The following AGO1 variants were observed in gnomAD, a reference collection of about 807,000 sequenced individuals.
The protein encoded by AGO1 is argonaute RISC component 1, also known as protein argonaute-1.
AGO1 carries 11 observed loss-of-function variants against 109.2 expected under a neutral mutation model. That is an observed-to-expected ratio of 0.10 (90% CI 0.06 to 0.17). AGO1 has a LOEUF of 0.17. Among genes scored for constraint, AGO1 ranks in the 10% least tolerant of loss-of-function variants. AGO1 has a pLI of 1.00. For missense variants in AGO1, 574 were observed against 1,140.3 expected (o/e 0.50, Z 7.15); for synonymous variants, 422 against 418.6 (o/e 1.01, Z -0.10).
At position 35,906,744 on chromosome 1, in the gene AGO1, G is replaced by A. The variant is rs74988064; in HGVS notation, c.1398-191G>A. On this transcript the variant is annotated intron_variant, in intron 11 of 18. Coordinates refer to ENST00000373204, the MANE Select transcript of AGO1 (RefSeq NM_012199.5). Reference sequence around the variant, plus strand: ...GATTGTTTTAGCCTAGCAGCTCGAGGCTTGAGTGAGCCCAGATTGTGCCAT... The same window carrying A: ...GATTGTTTTAGCCTAGCAGCTCGAGACTTGAGTGAGCCCAGATTGTGCCAT... Among the ~76,000 whole-genome samples the A allele has an allele frequency of 2.8e-3, 420 of 151,726 alleles. 11 individuals carry two copies. In the East Asian group the frequency reaches 0.07, roughly 25 times the overall value.
rs1330261261 is a variant in AGO1, at chr1:35,924,681, GGGA to G, written c.*5079_*5081del. On this transcript the variant is annotated 3_prime_UTR_variant, in exon 19 of 19. Coordinates refer to ENST00000373204, the MANE Select transcript of AGO1 (RefSeq NM_012199.5). ...GAATTAATAGGACTCGATGGCTGGT[GGGA>G]GGAGAAGACAGGAGTAGAGGTTAGC... 2 of 152,202 alleles carry G rather than the reference GGGA, an allele frequency of 1.3e-5. No homozygotes were observed. The highest frequency in any genetic ancestry group is 6.5e-5 in the Admixed American group (1 of 15,274). 9.4% of individuals were successfully genotyped at this position (152,202 alleles called of 1,614,324 possible).
chr1:35,908,170 A>G (rs1016450192), intron 12 of AGO1, among the ~76,000 whole-genome samples: 4 of 152,170 alleles, frequency 2.6e-5, no homozygotes, highest in African/African-American at 9.7e-5. Flanking sequence ...CCAGCCACTT[A>G]TTCTTTAGCC....
In AGO1 at chr1:35,893,308, T is replaced by C. The variant is rs1571348196; in HGVS notation, c.512+30T>C. The C allele has an allele frequency of 1.3e-6, 2 of 1,598,100 alleles. No individual in the cohort carries two copies. Among genetic ancestry groups the C allele is most frequent in the East Asian group, 4.5e-5 (2 of 44,486 alleles). On this transcript the variant is annotated intron_variant, in intron 4 of 18. Transcript: ENST00000373204. The surrounding 1 kb of genome is among the most constrained non-coding windows in gnomAD (Gnocchi z 5.6). ...TGGGTGTAGTTAGTATCTGGGCTAC[T>C]AGTGTTGGCAGAACTGCTGTCAGGG...
At chr1:35,870,621 A>G (rs186426894) in intron 1 of AGO1, among the ~76,000 whole-genome samples, 13 of 152,246 alleles carry the variant, frequency 8.5e-5, no homozygotes, top group African/African-American at 1.9e-4. Context: ...ACAGACACCT[A>G]TTATCCACCA....
In AGO1 at chr1:35,902,616, A is replaced by G. The variant is rs1284847832; in HGVS notation, c.1397+279A>G. Among the ~76,000 whole-genome samples, 8 of 152,240 alleles carry G rather than the reference A, an allele frequency of 5.3e-5. No homozygotes were observed. In the East Asian group the frequency reaches 1.5e-3, roughly 29 times the overall value. ...TGTTATAATTATTATCATTGGTAATAAATAGTAGTAGTGATGACTGTAATG... is the reference window on the plus strand; with the variant it reads ...TGTTATAATTATTATCATTGGTAATGAATAGTAGTAGTGATGACTGTAATG... On this transcript the variant is annotated intron_variant, in intron 11 of 18. Transcript: ENST00000373204.
intron 12 of AGO1, among the ~76,000 whole-genome samples, chr1:35,909,773 A>AC: frequency 6.6e-6 from 1 of 152,148 alleles, no homozygotes; most frequent in East Asian, 1.9e-4. Context: ...TTTCACTGAT[A>AC]CAATACTCAG....
chr1:35,880,173 C>T (rs536907543), upstream of AGO1, among the ~76,000 whole-genome samples: 3 of 152,178 alleles, frequency 2.0e-5, no homozygotes, highest in South Asian at 6.2e-4. Flanking sequence ...CTGATATTGT[C>T]CCTGTTTTTA....
chr1:35,894,242 G>C (rs768381160), intron 6 of AGO1, 71 bp downstream of exon 6: 5 of 1,597,702 alleles, frequency 3.1e-6, no homozygotes, highest in Non-Finnish European at 4.3e-6. Context: ...CTTGGGGTAT[G>C]CTCAGGGGAG....
intron 12 of AGO1, among the ~76,000 whole-genome samples, chr1:35,911,629 G>A (rs964991786): frequency 2.6e-5 from 4 of 151,940 alleles, no homozygotes; most frequent in South Asian, 2.1e-4. Context: ...CTGGCTTGCC[G>A]CTATTCCATC....
intron 11 of AGO1, among the ~76,000 whole-genome samples, chr1:35,902,634 CTG>C (rs1361430700): frequency 3.3e-5 from 5 of 152,214 alleles, no homozygotes; most frequent in African/African-American, 9.7e-5. Flanking sequence ...GTAGTGATGA[CTG>C]TAATGTTTAC....
In AGO1 at chr1:35,928,587, A is replaced by G. The variant is rs1030240996; in HGVS notation, c.*8980A>G. ...GCATAAGCCACAAGCCACTGGGCCC[A>G]GCCTCTTTTACCTGTTTCAAAATTG... On this transcript the variant is annotated 3_prime_UTR_variant, in exon 19 of 19. Transcript: ENST00000373204. The G allele has an allele frequency of 1.3e-5, 2 of 152,240 alleles. No individual in the cohort carries two copies. The highest frequency in any genetic ancestry group is 4.8e-5 in the African/African-American group (2 of 41,458). 9.4% of individuals were successfully genotyped at this position (152,240 alleles called of 1,614,324 possible). A position where few individuals can be genotyped will look rare whatever the true frequency, so the allele number is the denominator to read the frequency against.
In AGO1 at chr1:35,919,827, C is replaced by A; in HGVS notation, c.*220C>A. 1 of 548,232 alleles carries A rather than the reference C, an allele frequency of 1.8e-6. No homozygotes were observed. The highest frequency in any genetic ancestry group is 3.3e-6 in the Non-Finnish European group (1 of 306,442). The allele number at this position is 548,232 out of a possible 1,614,324, so 34.0% of individuals were successfully genotyped here. A position where few individuals can be genotyped will look rare whatever the true frequency, so the allele number is the denominator to read the frequency against. ...GATATCAACCTCATGTCCCCCACCC[C>A]TCACCCCATCTTGTCACATCTGGCC... On this transcript the variant is annotated 3_prime_UTR_variant, in exon 19 of 19. Transcript: ENST00000373204. The surrounding 1 kb of genome is among the most constrained non-coding windows in gnomAD (Gnocchi z 6.6).
chr1:35,924,220 A>C lies in AGO1; in HGVS notation c.*4613A>C, dbSNP rs993129847. The stretch of plus-strand genomic sequence containing the variant: ...CAGCTGTAATGTACAGTTCCTTCTG[A>C]AGCAAGCAACATCAGCAGCAGCAGC... On this transcript the variant is annotated 3_prime_UTR_variant, in exon 19 of 19. Transcript: ENST00000373204. 1 of 154,294 alleles carries C rather than the reference A, an allele frequency of 6.5e-6. No homozygotes were observed. Among genetic ancestry groups the C allele is most frequent in the Non-Finnish European group, 1.5e-5 (1 of 68,798 alleles). The allele number at this position is 154,294 out of a possible 1,614,324, so 9.6% of individuals were successfully genotyped here.
intron 11 of AGO1, among the ~76,000 whole-genome samples, chr1:35,906,469 A>G (rs1313338254): frequency 6.6e-6 from 1 of 152,104 alleles, no homozygotes; most frequent in Non-Finnish European, 1.5e-5. Flanking sequence ...ACTCAACTAT[A>G]AACATATTTT....
rs1645964497 is a variant in AGO1 at position 35,928,099 on chromosome 1, A to G, written c.*8492A>G. The G allele has an allele frequency of 6.6e-6, 1 of 152,218 alleles. No individual in the cohort carries two copies. Among genetic ancestry groups the G allele is most frequent in the African/African-American group, 2.4e-5 (1 of 41,446 alleles). The allele number at this position is 152,218 out of a possible 1,614,324, so 9.4% of individuals were successfully genotyped here. ...TAGCGGCAGCAGGGAGGGAAGTGTG[A>G]ACTGTGTGTCCCTGAGCCTGACTTA... On this transcript the variant is annotated 3_prime_UTR_variant, in exon 19 of 19. Coordinates refer to ENST00000373204, the MANE Select transcript of AGO1 (RefSeq NM_012199.5).
chr1:35,904,194 C>T (rs1411075288), intron 11 of AGO1, among the ~76,000 whole-genome samples: 1 of 149,030 alleles, frequency 6.7e-6, no homozygotes, highest in Non-Finnish European at 1.5e-5. Flanking sequence ...CAAGCTCCGC[C>T]TTCCGGGTTC....
In AGO1 at chr1:35,913,990, C is replaced by T. The variant is rs1223700131; in HGVS notation, c.1731C>T (p.Val577=). ...VKLGGINNIL[V]PHQRSAVFQQ... is the part of the protein sequence containing the mutation. ...TTGGTGGCATTAACAACATCCTAGT[C>T]CCACACCAGCGGTATGAACTCTGTT... The change falls in exon 13 of 19, where the codon GTC becomes GTT. Residue 577 remains valine (V), a synonymous_variant. Transcript: ENST00000373204. 6.2e-7 allele frequency: 1 copy of T among 1,614,060 alleles called. No homozygotes were observed. The highest frequency in any genetic ancestry group is 1.1e-5 in the South Asian group (1 of 91,068).
chr1:35,910,067 C>G (rs768783010), intron 12 of AGO1, among the ~76,000 whole-genome samples: 1 of 150,376 alleles, frequency 6.6e-6, no homozygotes, highest in South Asian at 2.1e-4. Context: ...CATTTACATG[C>G]GGTTCCTTGA....
chr1:35,889,183 CTTTTTTTTTT>C (rs35255117), intron 2 of AGO1, among the ~76,000 whole-genome samples: 1 of 113,408 alleles, frequency 8.8e-6, no homozygotes, highest in Non-Finnish European at 1.9e-5. Flanking sequence ...GTGATATTTC[CTTTTTTTTTT>C]TTTTTTTTTT....
Sources: allele counts gnomAD v4.1 joint callset (sites outside exome capture counted in the v4.1 genomes callset), GRCh38; gene constraint gnomAD v4.1.1; non-coding constraint Gnocchi (gnomAD v3.1); transcripts MANE v1.5; gene names NCBI Gene and HGNC (gene_info 2026-07-23, HGNC 2026-07-21).